KLRG1: variants seen among roughly 807,000 people sequenced by gnomAD.
KLRG1 encodes killer cell lectin like receptor G1, also known as killer cell lectin-like receptor subfamily G member 1.
A neutral mutation model predicts 21.8 loss-of-function variants in KLRG1; 16 were observed. The ratio of observed to expected loss-of-function variants is 0.73; its 90% CI spans 0.50 to 1.11. KLRG1 has a LOEUF of 1.11. KLRG1 is among the 50% of genes most tolerant of loss of function. The pLI, the probability that KLRG1 is intolerant of heterozygous loss-of-function variation, is 0.00. For synonymous variants in KLRG1, 69 were observed against 75.9 expected, an observed-to-expected ratio of 0.91 and a Z score of 0.47; for missense variants, 173 against 218.3, an observed-to-expected ratio of 0.79 and a Z score of 1.31.
chr12:9,045,096 T>A, the KLRG1 span, among the ~76,000 whole-genome samples: 6 of 152,126 alleles, frequency 3.9e-5, no homozygotes, highest in African/African-American at 1.4e-4. Context: ...TGGCATGACT[T>A]ATAAAGAGCT....
chr12:9,210,547 G>C, the KLRG1 span, among the ~76,000 whole-genome samples: 1 of 152,128 alleles, frequency 6.6e-6, no homozygotes, highest in Non-Finnish European at 1.5e-5. Flanking sequence ...CCTTTGGGTT[G>C]CTATGTTGCT....
At chr12:9,160,378 ATAG>A in the KLRG1 span, 1 of 1,614,180 alleles carries the variant, frequency 6.2e-7, no homozygotes, top group Non-Finnish European at 8.5e-7. Context: ...TTTCATTCAG[ATAG>A]TTCAAGACAT....
the KLRG1 span, among the ~76,000 whole-genome samples, chr12:9,185,200 G>A: frequency 1.3e-5 from 2 of 152,166 alleles, no homozygotes; most frequent in Non-Finnish European, 2.9e-5. Context: ...TGATGCAGAA[G>A]CTGACAGACA....
At chr12:9,023,092 A>G in the KLRG1 span, among the ~76,000 whole-genome samples, 48,991 of 152,154 alleles carry the variant, frequency 0.32, 7,910 homozygotes, top group Admixed American at 0.38. Context: ...GAGGGTGTCA[A>G]GGATACCTAG....
the KLRG1 span, chr12:9,067,371 T>G: frequency 4.0e-6 from 1 of 247,768 alleles, no homozygotes. Context: ...CAATATGACA[T>G]GTTCAATGTT....
chr12:9,053,204 C>T, the KLRG1 span, among the ~76,000 whole-genome samples: 14 of 134,520 alleles, frequency 1.0e-4, no homozygotes, highest in Non-Finnish European at 2.2e-4. Flanking sequence ...AGTGTGCCTG[C>T]GACGGGGTGT....
chr12:9,092,197 G>A, the KLRG1 span, among the ~76,000 whole-genome samples: 3 of 151,994 alleles, frequency 2.0e-5, no homozygotes, highest in African/African-American at 2.4e-5. Flanking sequence ...CCCCTGGCTC[G>A]CCCCACGGAT....
At chr12:9,112,876 T>C in the KLRG1 span, among the ~76,000 whole-genome samples, 6 of 152,168 alleles carry the variant, frequency 3.9e-5, no homozygotes, top group Non-Finnish European at 8.8e-5. Flanking sequence ...TTACAGGCTA[T>C]GGAAAAAAAC....
the KLRG1 span, among the ~76,000 whole-genome samples, chr12:9,143,078 G>A: frequency 0.81 from 123,854 of 152,208 alleles, 50,753 homozygotes; most frequent in African/African-American, 0.84. Flanking sequence ...ATCGATTTTA[G>A]TTAAGCTGAG....
At chr12:8,972,703 G>A (rs1179668561) in intron 1 of KLRG1, among the ~76,000 whole-genome samples, 1 of 152,088 alleles carries the variant, frequency 6.6e-6, no homozygotes, top group Non-Finnish European at 1.5e-5. Flanking sequence ...ATACTATTTT[G>A]ATTGCTGTAG....
the KLRG1 span, among the ~76,000 whole-genome samples, chr12:9,144,510 G>A: frequency 2.6e-5 from 4 of 151,708 alleles, no homozygotes; most frequent in Admixed American, 2.6e-4. Flanking sequence ...CTGGGTTTTG[G>A]CACCAAATGT....
At chr12:9,180,052 A>G in the KLRG1 span, among the ~76,000 whole-genome samples, 20 of 152,376 alleles carry the variant, frequency 1.3e-4, no homozygotes, top group African/African-American at 4.8e-4. Context: ...TATATGAGAC[A>G]GCTTGAGAAA....
At chr12:9,094,486 TGATTC>T in the KLRG1 span, among the ~76,000 whole-genome samples, 3,323 of 151,610 alleles carry the variant, frequency 0.022, 123 homozygotes, top group African/African-American at 0.075. Context: ...TAGAGCCAAC[TGATTC>T]TCCTTAAATG....
chr12:9,018,171 A>C, the KLRG1 span, among the ~76,000 whole-genome samples: 2 of 152,190 alleles, frequency 1.3e-5, no homozygotes, highest in African/African-American at 4.8e-5. Flanking sequence ...CACTATTAAA[A>C]TGCCCATAGT....
the KLRG1 span, chr12:9,208,209 G>A: frequency 2.1e-6 from 3 of 1,425,736 alleles, no homozygotes; most frequent in African/African-American, 2.8e-5. Context: ...GAAGACACAA[G>A]GGAGAGACTG....
chr12:9,180,756 C>T, the KLRG1 span, among the ~76,000 whole-genome samples: 2 of 152,272 alleles, frequency 1.3e-5, no homozygotes, highest in South Asian at 4.1e-4. Context: ...ACTTCATGTC[C>T]AAAACACCAA....
chr12:9,204,075 A>G, the KLRG1 span: 5 of 1,003,008 alleles, frequency 5.0e-6, no homozygotes, highest in South Asian at 1.8e-5. Context: ...AAGTCAATGG[A>G]CTAAGTCAAT....
At chr12:9,195,025 AG>A in the KLRG1 span, among the ~76,000 whole-genome samples, 1 of 152,196 alleles carries the variant, frequency 6.6e-6, no homozygotes, top group Admixed American at 6.5e-5. Context: ...AAAATACATT[AG>A]AGGAGTAGGG....
chr12:8,955,098 G>A (rs1220433278), intron 1 of KLRG1, among the ~76,000 whole-genome samples: 2 of 151,968 alleles, frequency 1.3e-5, no homozygotes, highest in East Asian at 3.9e-4. Flanking sequence ...TATATTTTTA[G>A]TAGAGATGGG....
Sources: allele counts gnomAD v4.1 joint callset (sites outside exome capture counted in the v4.1 genomes callset), GRCh38; gene constraint gnomAD v4.1.1; transcripts MANE v1.5; gene names NCBI Gene and HGNC (gene_info 2026-07-23, HGNC 2026-07-21).